Variants in GABBR2 observed in about 807,000 individuals in gnomAD.
GABBR2 encodes the protein gamma-aminobutyric acid type B receptor subunit 2, also known as G-protein coupled receptor 51.
GABBR2 carries 23 observed loss-of-function variants against 105.6 expected under a neutral mutation model. That is an observed-to-expected ratio of 0.22 (90% CI 0.16 to 0.31). The LOEUF (loss-of-function observed/expected upper bound fraction) is 0.31. Among genes scored for constraint, GABBR2 ranks in the 10% least tolerant of loss-of-function variants. The probability of loss-of-function intolerance (pLI) is 1.00; values close to 1 mark genes in which losing one functional copy is unlikely to be tolerated. For synonymous variants in GABBR2, 478 were observed against 499.7 expected (o/e 0.96, Z 0.58); for missense variants, 734 against 1,245.5 (o/e 0.59, Z 6.18).
At chr9:98,430,284 G>A (rs1230421305) in intron 7 of GABBR2, among the ~76,000 whole-genome samples, 2 of 104,640 alleles carry the variant, frequency 1.9e-5, no homozygotes, top group Non-Finnish European at 3.7e-5. Flanking sequence ...GCGAGACTCC[G>A]TCTCAAAAAA....
At chr9:98,618,439 A>G (rs1829618647) in intron 1 of GABBR2, among the ~76,000 whole-genome samples, 1 of 151,714 alleles carries the variant, frequency 6.6e-6, no homozygotes, top group Non-Finnish European at 1.5e-5. Context: ...ACCCTGCAGC[A>G]ATGACAAAAG....
intron 1 of GABBR2, among the ~76,000 whole-genome samples, chr9:98,702,974 CCT>C (rs1421467073): frequency 6.6e-6 from 1 of 152,224 alleles, no homozygotes; most frequent in East Asian, 1.9e-4. Flanking sequence ...ACCTCACCTC[CCT>C]CTCTCATCAT....
chr9:98,597,132 C>T (rs1301116681), intron 1 of GABBR2, among the ~76,000 whole-genome samples: 1 of 152,184 alleles, frequency 6.6e-6, no homozygotes, highest in Non-Finnish European at 1.5e-5. Flanking sequence ...CCAAGTGGTG[C>T]AGCTTATCTG....
rs774158039 is a variant in GABBR2, at chr9:98,541,912, G to C, written c.591C>G (p.Arg197=). Residue 197 remains arginine, a synonymous_variant, in exon 3 of 19, where the codon CGC becomes CGG. Coordinates refer to ENST00000259455, the MANE Select transcript of GABBR2 (RefSeq NM_005458.8). The stretch of plus-strand genomic sequence containing the variant: ...GAACGTCTTGCGTCAGCGTGCCCAC[G>C]CGCTTCCACTGGTAGTGCTTGAGCA... ...LKLLKHYQWK[R]VGTLTQDVQR... The C allele has an allele frequency of 9.9e-6, 16 of 1,614,086 alleles. No homozygotes were observed. The East Asian group carries it at 1.8e-4, about 18-fold the overall frequency.
Position 98,453,978 on chromosome 9 carries a change from G to T in GABBR2, c.1236+3C>A. ...GAAAACAGCCCAGAGGCATGGGACT[G>T]ACCGTGACCCCGAAGAAGTTGGTCT... On this transcript the variant is annotated splice_donor_region_variant and intron_variant, in intron 7 of 18. Transcript: ENST00000259455. 2 of 1,602,010 alleles carry T rather than the reference G, an allele frequency of 1.2e-6. No homozygotes were observed. The highest frequency in any genetic ancestry group is 1.1e-5 in the South Asian group (1 of 90,806).
chr9:98,343,389 C>G (rs1444682417), intron 13 of GABBR2, among the ~76,000 whole-genome samples: 1 of 152,138 alleles, frequency 6.6e-6, no homozygotes, highest in Non-Finnish European at 1.5e-5. Context: ...TGAGTGCTGT[C>G]TGCCATGTCG....
rs537505199 is a variant in GABBR2 at position 98,524,820 on chromosome 9, T to C, written c.630+17053A>G. On this transcript the variant is annotated intron_variant, in intron 3 of 18. Transcript: ENST00000259455. ...AAACCTAAGTCAGATAAAATCCCTC[T>C]TATTAAAAAAAAAACTCTCCAGTAG... is the stretch of plus-strand genomic sequence containing the variant. Among the ~76,000 whole-genome samples, 53 of 152,126 alleles carry C rather than the reference T, an allele frequency of 3.5e-4. No homozygotes were observed. The South Asian group carries it at 0.011, about 32-fold the overall frequency.
chr9:98,342,460 G>A (rs1385063354), intron 13 of GABBR2, among the ~76,000 whole-genome samples: 1 of 152,126 alleles, frequency 6.6e-6, no homozygotes, highest in East Asian at 1.9e-4. Context: ...TTTAGCTGCT[G>A]GGGAAAATTT....
intron 1 of GABBR2, among the ~76,000 whole-genome samples, chr9:98,603,414 G>C (rs781137176): frequency 2.0e-5 from 3 of 152,134 alleles, no homozygotes; most frequent in Non-Finnish European, 4.4e-5. Context: ...TACTTTTTAG[G>C]GAGCAGTTTC....
intron 7 of GABBR2, among the ~76,000 whole-genome samples, chr9:98,414,046 A>G (rs1435945252): frequency 1.3e-5 from 2 of 152,246 alleles, no homozygotes; most frequent in Non-Finnish European, 2.9e-5. Context: ...ACCAGATCAA[A>G]CAGTGAGCAA....
At chr9:98,636,435 A>AG (rs1829877160) in intron 1 of GABBR2, among the ~76,000 whole-genome samples, 1 of 150,990 alleles carries the variant, frequency 6.6e-6, no homozygotes, top group South Asian at 2.1e-4. Context: ...TTCTTCACAA[A>AG]GGGGCTACCA....
At chr9:98,664,241 G>T (rs189345330) in intron 1 of GABBR2, among the ~76,000 whole-genome samples, 6 of 152,154 alleles carry the variant, frequency 3.9e-5, no homozygotes, top group African/African-American at 1.2e-4. Context: ...TCCTGCTGGG[G>T]GTGGGAAGAG....
chr9:98,443,199 C>T (rs1826062645), intron 7 of GABBR2, among the ~76,000 whole-genome samples: 1 of 152,328 alleles, frequency 6.6e-6, no homozygotes, highest in Non-Finnish European at 1.5e-5. Context: ...CACCATGTCC[C>T]TGGCTCCTTC....
chr9:98,537,231 G>A (rs1243381343), intron 3 of GABBR2, among the ~76,000 whole-genome samples: 2 of 152,146 alleles, frequency 1.3e-5, no homozygotes, highest in African/African-American at 2.4e-5. Flanking sequence ...ACAAACCACC[G>A]CCACATGCCA....
At chr9:98,360,251 C>A (rs997796009) in intron 13 of GABBR2, among the ~76,000 whole-genome samples, 21 of 152,274 alleles carry the variant, frequency 1.4e-4, no homozygotes, top group African/African-American at 2.9e-4. Context: ...GTTCAACTAC[C>A]CTGTTGTGTC....
chr9:98,641,417 C>T (rs1407934897), intron 1 of GABBR2, among the ~76,000 whole-genome samples: 8 of 151,874 alleles, frequency 5.3e-5, no homozygotes, highest in African/African-American at 1.7e-4. Context: ...GGATTACAGG[C>T]GTGAGCCACC....
chr9:98,626,134 G>C (rs897885258), intron 1 of GABBR2, among the ~76,000 whole-genome samples: 1 of 152,220 alleles, frequency 6.6e-6, no homozygotes, highest in Admixed American at 6.5e-5. Context: ...GAGTGAAAGA[G>C]GCTGTCGCAA....
At chr9:98,340,529 A>C (rs1831193934) in intron 13 of GABBR2, among the ~76,000 whole-genome samples, 1 of 151,712 alleles carries the variant, frequency 6.6e-6, no homozygotes, top group Non-Finnish European at 1.5e-5. Flanking sequence ...CAAAGTGTTG[A>C]AATTACAGGC....
At chr9:98,519,990 C>T (rs1033813376) in intron 3 of GABBR2, among the ~76,000 whole-genome samples, 4 of 152,146 alleles carry the variant, frequency 2.6e-5, no homozygotes, top group Non-Finnish European at 5.9e-5. Flanking sequence ...AGCATGAACT[C>T]GAGTCAGGTG....
Sources: allele counts gnomAD v4.1 joint callset (sites outside exome capture counted in the v4.1 genomes callset), GRCh38; gene constraint gnomAD v4.1.1; transcripts MANE v1.5; gene names NCBI Gene and HGNC (gene_info 2026-07-23, HGNC 2026-07-21).